The following EMCN variants were observed in gnomAD, a reference collection of about 807,000 sequenced individuals.
EMCN encodes the protein endomucin.
A neutral mutation model predicts 38.4 loss-of-function variants in EMCN; 37 were observed. That is an observed-to-expected ratio of 0.96 (90% CI 0.74 to 1.27). The LOEUF (loss-of-function observed/expected upper bound fraction) is 1.27. Among genes scored for constraint, EMCN ranks in the 50% most tolerant of loss-of-function variants. The probability of loss-of-function intolerance (pLI) is 0.00; values close to 1 mark genes in which losing one functional copy is unlikely to be tolerated. For synonymous variants in EMCN, 95 were observed against 100.8 expected (o/e 0.94, Z 0.35); for missense variants, 318 against 302.8 (o/e 1.05, Z -0.37).
Position 100,483,033 on chromosome 4 carries a change from A to G in EMCN, c.65-2994T>C, listed in dbSNP as rs144381608. On this transcript the variant is annotated intron_variant, in intron 1 of 11. Coordinates refer to ENST00000296420, the MANE Select transcript of EMCN (RefSeq NM_016242.4). ...CTGAGTCAAACTTTAATTAATTAGT[A>G]CTCTTTAACATCTCTATTATTAGTT... Among the ~76,000 whole-genome samples, 35 of 152,092 alleles carry G rather than the reference A, an allele frequency of 2.3e-4. 1 individual carries two copies. In the East Asian group the frequency reaches 4.6e-3, roughly 20 times the overall value.
chr4:100,403,686 A>C (rs970191417), intron 11 of EMCN, among the ~76,000 whole-genome samples: 1 of 151,958 alleles, frequency 6.6e-6, no homozygotes, highest in African/African-American at 2.4e-5. Flanking sequence ...TTACATTCTC[A>C]CCTGCAGTGT....
chr4:100,431,777 T>G (rs1727209326), intron 5 of EMCN, among the ~76,000 whole-genome samples: 1 of 146,198 alleles, frequency 6.8e-6, no homozygotes, highest in Non-Finnish European at 1.5e-5. Context: ...GCTCTCTCTC[T>G]CCCCCATCCC....
At chr4:100,422,816 T>G (rs1438929649) in intron 7 of EMCN, among the ~76,000 whole-genome samples, 1 of 110,094 alleles carries the variant, frequency 9.1e-6, no homozygotes, top group Non-Finnish European at 1.8e-5. Flanking sequence ...TTTCTTTCTT[T>G]CTTTTCTTTT....
At chr4:100,475,307 A>ACACACACC (rs1338597554) in intron 2 of EMCN, among the ~76,000 whole-genome samples, 198 bp from the exon 3 acceptor site, 1 of 149,842 alleles carries the variant, frequency 6.7e-6, no homozygotes, top group Non-Finnish European at 1.5e-5. Flanking sequence ...TGGCCTACAC[A>ACACACACC]CACACACACA....
chr4:100,472,872 T>C (rs1192819693), intron 3 of EMCN, among the ~76,000 whole-genome samples: 1 of 151,632 alleles, frequency 6.6e-6, no homozygotes, highest in East Asian at 1.9e-4. Flanking sequence ...TGTTGGAATG[T>C]ACCATTTGAT....
At chr4:100,438,251 A>T (rs982799598) in intron 5 of EMCN, among the ~76,000 whole-genome samples, 5 of 152,082 alleles carry the variant, frequency 3.3e-5, no homozygotes, top group Non-Finnish European at 5.9e-5. Flanking sequence ...TTCAGCTTTA[A>T]TATGAGTTTA....
rs552657871 is a variant in EMCN, at chr4:100,432,980, G to A, written c.416-9576C>T. 1.4e-3 allele frequency among the ~76,000 whole-genome samples: 207 copies of A among 152,094 alleles called. 1 individual carries two copies. Among genetic ancestry groups the A allele is most frequent in the African/African-American group, 4.7e-3 (197 of 41,500 alleles). Reference sequence around the variant, plus strand: ...ATTATACACTTTAGTTGTTTCTGTGGCAAGAGCATGGAAATCTACTCATTT... The same window carrying A: ...ATTATACACTTTAGTTGTTTCTGTGACAAGAGCATGGAAATCTACTCATTT... On this transcript the variant is annotated intron_variant, in intron 5 of 11. Transcript: ENST00000296420.
At chr4:100,438,647 C>T (rs1323337789) in intron 5 of EMCN, among the ~76,000 whole-genome samples, 1 of 151,972 alleles carries the variant, frequency 6.6e-6, no homozygotes, top group African/African-American at 2.4e-5. Context: ...GAGTGGGCAT[C>T]CTTACCTAGT....
chr4:100,491,087 T>A (rs1729064937), intron 1 of EMCN, among the ~76,000 whole-genome samples: 1 of 152,088 alleles, frequency 6.6e-6, no homozygotes, highest in African/African-American at 2.4e-5. Flanking sequence ...GGCTTGCAAA[T>A]ATTTTCTCCC....
chr4:100,507,754 T>A (rs559608739), intron 1 of EMCN, among the ~76,000 whole-genome samples: 1 of 152,312 alleles, frequency 6.6e-6, no homozygotes, highest in South Asian at 2.1e-4. Flanking sequence ...ATTCTCAATC[T>A]TTTTTCCGGA....
chr4:100,474,301 G>A (rs1728574966), intron 3 of EMCN, among the ~76,000 whole-genome samples: 1 of 152,058 alleles, frequency 6.6e-6, no homozygotes, highest in Non-Finnish European at 1.5e-5. Flanking sequence ...ATATAACTCA[G>A]AGTCACAATG....
intron 1 of EMCN, among the ~76,000 whole-genome samples, chr4:100,493,376 A>G (rs1004467452): frequency 6.6e-6 from 1 of 152,222 alleles, no homozygotes; most frequent in Admixed American, 6.5e-5. Context: ...TGCAGAATAG[A>G]AAAAAGAAAA....
At position 100,431,375 on chromosome 4, in the gene EMCN, C is replaced by G. The variant is rs769587492; in HGVS notation, c.416-7971G>C. Among the ~76,000 whole-genome samples, 15 of 152,166 alleles carry G rather than the reference C, an allele frequency of 9.9e-5. 1 individual carries two copies. The highest frequency in any genetic ancestry group is 2.2e-4 in the Non-Finnish European group (15 of 68,026). Reference sequence around the variant, plus strand: ...TGTTGTGAGTGTGTCTGTTAGGGTGCTTTTGGATAAGGCTAACATTTGAAT... The same window carrying G: ...TGTTGTGAGTGTGTCTGTTAGGGTGGTTTTGGATAAGGCTAACATTTGAAT... On this transcript the variant is annotated intron_variant, in intron 5 of 11. Transcript: ENST00000296420.
intron 11 of EMCN, among the ~76,000 whole-genome samples, chr4:100,404,784 T>C (rs947773321): frequency 4.6e-5 from 7 of 152,100 alleles, no homozygotes; most frequent in Non-Finnish European, 1.0e-4. Flanking sequence ...ATAACATTGA[T>C]TCTGTAGATT....
chr4:100,434,213 CA>C, intron 5 of EMCN, among the ~76,000 whole-genome samples: 1 of 152,016 alleles, frequency 6.6e-6, no homozygotes, highest in Non-Finnish European at 1.5e-5. Context: ...CACAGAAATA[CA>C]AACAACCATC....
chr4:100,435,516 G>A (rs1727326580), intron 5 of EMCN, among the ~76,000 whole-genome samples: 1 of 151,854 alleles, frequency 6.6e-6, no homozygotes, highest in Non-Finnish European at 1.5e-5. Flanking sequence ...ATAGAATTAG[G>A]AAAAAAACTA....
At chr4:100,401,307 C>A (rs986433264) in intron 11 of EMCN, among the ~76,000 whole-genome samples, 8 of 152,042 alleles carry the variant, frequency 5.3e-5, no homozygotes, top group Non-Finnish European at 1.0e-4. Context: ...TAATACAAAT[C>A]GAAATATAGT....
chr4:100,401,069 A>T (rs1371714369), intron 11 of EMCN, among the ~76,000 whole-genome samples: 1 of 152,098 alleles, frequency 6.6e-6, no homozygotes, highest in Non-Finnish European at 1.5e-5. Flanking sequence ...ACTGACAACA[A>T]TTTATAAACA....
intron 1 of EMCN, among the ~76,000 whole-genome samples, chr4:100,512,392 A>G (rs748334506): frequency 6.6e-6 from 1 of 152,190 alleles, no homozygotes; most frequent in African/African-American, 2.4e-5. Context: ...TTGTTTGCTA[A>G]CTGAGAGAGC....
Sources: allele counts gnomAD v4.1 joint callset (sites outside exome capture counted in the v4.1 genomes callset), GRCh38; gene constraint gnomAD v4.1.1; transcripts MANE v1.5; gene names NCBI Gene and HGNC (gene_info 2026-07-23, HGNC 2026-07-21).